The following TRMT11 variants were observed in gnomAD, a reference collection of about 807,000 sequenced individuals.
TRMT11 encodes tRNA methyltransferase 11.
In TRMT11, 53 loss-of-function variants were observed where a neutral mutation model predicts 62.8. The ratio of observed to expected loss-of-function variants is 0.84; its 90% CI spans 0.68 to 1.06. The LOEUF is 1.06. TRMT11 is among the 50% of genes least tolerant of loss of function. The probability of loss-of-function intolerance (pLI) is 0.00; values close to 1 mark genes in which losing one functional copy is unlikely to be tolerated. For missense variants in TRMT11, 556 were observed against 553.4 expected (o/e 1.00, Z -0.05); for synonymous variants, 188 against 190.3 (o/e 0.99, Z 0.10).
At chr6:126,210,980 CTT>C in the TRMT11 span, among the ~76,000 whole-genome samples, 6,103 of 131,620 alleles carry the variant, frequency 0.046, 413 homozygotes, top group African/African-American at 0.16. Flanking sequence ...ATAACATTCC[CTT>C]TTTTTTTTTT....
At chr6:126,124,940 C>A (rs1777698114) in intron 21 of TRMT11, among the ~76,000 whole-genome samples, 1 of 152,122 alleles carries the variant, frequency 6.6e-6, no homozygotes, top group Non-Finnish European at 1.5e-5. Flanking sequence ...AATTAACCTC[C>A]TGTCTTTTGC....
chr6:126,050,329 C>CAAAAAAA (rs536546298), intron 16 of TRMT11, among the ~76,000 whole-genome samples: 1 of 68,428 alleles, frequency 1.5e-5, no homozygotes, highest in African/African-American at 4.0e-5. Flanking sequence ...GACTTCATCT[C>CAAAAAAA]AAAAAAAAAA....
At chr6:126,082,105 G>A (rs1014571690) in intron 17 of TRMT11, among the ~76,000 whole-genome samples, 5 of 152,082 alleles carry the variant, frequency 3.3e-5, no homozygotes, top group African/African-American at 1.2e-4. Context: ...TGTGGACAGT[G>A]CAATCTATCT....
chr6:126,247,326 T>C, the TRMT11 span, among the ~76,000 whole-genome samples: 2 of 151,356 alleles, frequency 1.3e-5, no homozygotes, highest in African/African-American at 4.9e-5. Context: ...AATAATCTTA[T>C]ACACACACAC....
intron 16 of TRMT11, among the ~76,000 whole-genome samples, chr6:126,050,424 C>G (rs919554322): frequency 2.0e-5 from 3 of 151,622 alleles, no homozygotes; most frequent in African/African-American, 7.3e-5. Context: ...TTTGGGGTGT[C>G]AGTTGCAGTG....
the TRMT11 span, among the ~76,000 whole-genome samples, chr6:126,246,874 A>G: frequency 6.6e-6 from 1 of 152,226 alleles, no homozygotes; most frequent in Non-Finnish European, 1.5e-5. Context: ...GCAAACTATT[A>G]ATCTTGATTA....
chr6:126,213,842 G>C, the TRMT11 span, among the ~76,000 whole-genome samples: 36 of 152,084 alleles, frequency 2.4e-4, no homozygotes, highest in South Asian at 7.2e-3. Flanking sequence ...TAGAGAAAAG[G>C]CTTTTATTCT....
chr6:126,033,287 G>A (rs1774550179), intron 12 of TRMT11, among the ~76,000 whole-genome samples: 1 of 152,130 alleles, frequency 6.6e-6, no homozygotes, highest in Non-Finnish European at 1.5e-5. Flanking sequence ...GTCATGAGTT[G>A]TGTTTAAAGC....
downstream of TRMT11, among the ~76,000 whole-genome samples, chr6:126,043,862 G>C (rs1371928595): frequency 2.0e-5 from 3 of 152,160 alleles, no homozygotes; most frequent in Non-Finnish European, 4.4e-5. Context: ...CTTTTGAGAA[G>C]TGTCTGTTCA....
the TRMT11 span, among the ~76,000 whole-genome samples, chr6:126,235,830 C>G: frequency 4.6e-5 from 7 of 152,030 alleles, no homozygotes; most frequent in Non-Finnish European, 1.0e-4. Context: ...ACAAAGCTAC[C>G]CATCCTGCAC....
intron 21 of TRMT11, among the ~76,000 whole-genome samples, chr6:126,165,581 CT>C (rs1778248370): frequency 6.6e-6 from 1 of 152,142 alleles, no homozygotes; most frequent in Non-Finnish European, 1.5e-5. Context: ...GTTGAAAATT[CT>C]TTTCTTTAAG....
intron 1 of TRMT11, among the ~76,000 whole-genome samples, chr6:126,188,143 A>G (rs1413181328): frequency 6.6e-6 from 1 of 151,990 alleles, no homozygotes; most frequent in Admixed American, 6.6e-5. Flanking sequence ...TAATCTACTT[A>G]TTAGAAGATA....
intron 11 of TRMT11, among the ~76,000 whole-genome samples, chr6:126,020,885 T>C (rs1377269542): frequency 6.6e-6 from 1 of 152,236 alleles, no homozygotes; most frequent in Non-Finnish European, 1.5e-5. Flanking sequence ...TCTTGTACTT[T>C]TGTGGTTTAA....
chr6:126,079,648 A>C (rs1009875063), intron 17 of TRMT11, among the ~76,000 whole-genome samples: 5 of 152,022 alleles, frequency 3.3e-5, no homozygotes, highest in Admixed American at 6.6e-5. Flanking sequence ...AATCATTTGT[A>C]CTCCAGACCC....
At chr6:126,093,895 A>C (rs886294098) in intron 17 of TRMT11, among the ~76,000 whole-genome samples, 1 of 151,988 alleles carries the variant, frequency 6.6e-6, no homozygotes, top group African/African-American at 2.4e-5. Context: ...AATAATTGCA[A>C]ATTTCCTGAA....
At chr6:126,222,550 G>A in the TRMT11 span, among the ~76,000 whole-genome samples, 3 of 151,930 alleles carry the variant, frequency 2.0e-5, no homozygotes, top group Admixed American at 2.0e-4. Context: ...TTCTCGGTTA[G>A]CTGCATTCCT....
chr6:126,174,114 C>G (rs1778359068), upstream of TRMT11, among the ~76,000 whole-genome samples: 1 of 152,154 alleles, frequency 6.6e-6, no homozygotes, highest in South Asian at 2.1e-4. Context: ...TCCTTCCTCA[C>G]CTTTCTGCAG....
At chr6:126,107,713 C>T (rs554840579) in intron 17 of TRMT11, among the ~76,000 whole-genome samples, 4 of 152,222 alleles carry the variant, frequency 2.6e-5, no homozygotes, top group Admixed American at 6.5e-5. Flanking sequence ...TATTATTGCC[C>T]GTGGCTCGAA....
intron 12 of TRMT11, among the ~76,000 whole-genome samples, chr6:126,022,698 A>G (rs1305318813): frequency 6.6e-6 from 1 of 152,208 alleles, no homozygotes; most frequent in African/African-American, 2.4e-5. Context: ...GACATAAACT[A>G]TCTTCTGTAA....
Sources: gnomAD v4.1 joint callset for allele counts (sites outside exome capture counted in the v4.1 genomes callset) on GRCh38, gnomAD v4.1.1 for gene constraint, MANE v1.5 for transcripts, NCBI Gene and HGNC (gene_info 2026-07-23, HGNC 2026-07-21) for gene names.